AGBL4: variants seen among roughly 807,000 people sequenced by gnomAD.
AGBL4 encodes the protein AGBL carboxypeptidase 4.
In AGBL4, 58 loss-of-function variants were observed where a neutral mutation model predicts 66.4. The ratio of observed to expected loss-of-function variants is 0.87; its 90% CI spans 0.71 to 1.09. The LOEUF (loss-of-function observed/expected upper bound fraction) is 1.09. Ranked by LOEUF, AGBL4 falls within the 50% of genes least tolerant of loss-of-function variation. AGBL4 has a pLI of 0.00. For missense variants in AGBL4, 579 were observed against 631.0 expected, an observed-to-expected ratio of 0.92 and a Z score of 0.88; for synonymous variants, 234 against 222.9, an observed-to-expected ratio of 1.05 and a Z score of -0.44.
intron 3 of AGBL4, among the ~76,000 whole-genome samples, chr1:49,549,381 T>C (rs1242942293): frequency 6.6e-6 from 1 of 152,118 alleles, no homozygotes; most frequent in Non-Finnish European, 1.5e-5. Context: ...AGAATGTCAA[T>C]TTGTGCTCTT....
chr1:49,754,241 C>T (rs921366551), intron 2 of AGBL4, among the ~76,000 whole-genome samples: 6 of 148,796 alleles, frequency 4.0e-5, no homozygotes, highest in South Asian at 2.2e-4. Flanking sequence ...TGGTGACCTT[C>T]GGATGGGGTT....
chr1:48,728,116 G>A (rs1647466953), intron 6 of AGBL4: 1 of 1,378,478 alleles, frequency 7.3e-7, no homozygotes, highest in South Asian at 1.4e-5. Context: ...GAGGGTAAAA[G>A]AAAATGTACC....
chr1:49,279,486 T>C (rs1644234128), intron 3 of AGBL4, among the ~76,000 whole-genome samples: 1 of 151,922 alleles, frequency 6.6e-6, no homozygotes, highest in Non-Finnish European at 1.5e-5. Flanking sequence ...GAAAGCAATA[T>C]GGGAAAATGC....
intron 6 of AGBL4, among the ~76,000 whole-genome samples, chr1:48,729,548 C>T (rs954091850): frequency 2.0e-5 from 3 of 152,116 alleles, no homozygotes; most frequent in Non-Finnish European, 4.4e-5. Flanking sequence ...AATATCAACA[C>T]TAGAGGGGAT....
intron 4 of AGBL4, among the ~76,000 whole-genome samples, chr1:49,175,233 G>A (rs2148173336): frequency 6.6e-6 from 1 of 152,078 alleles, no homozygotes; most frequent in Admixed American, 6.6e-5. Flanking sequence ...AAGTTGATAA[G>A]GAGGGAAATG....
intron 2 of AGBL4, among the ~76,000 whole-genome samples, chr1:49,815,649 C>T: frequency 6.6e-6 from 1 of 152,024 alleles, no homozygotes; most frequent in Non-Finnish European, 1.5e-5. Flanking sequence ...TGAGGGGGTC[C>T]CTTTTTTCCA....
At chr1:49,578,465 T>C (rs2148880105) in intron 3 of AGBL4, among the ~76,000 whole-genome samples, 1 of 152,326 alleles carries the variant, frequency 6.6e-6, no homozygotes, top group African/African-American at 2.4e-5. Flanking sequence ...ACAGAATGGG[T>C]AGTCATTAAT....
chr1:49,779,276 G>C (rs1159875398), intron 2 of AGBL4, among the ~76,000 whole-genome samples: 8 of 152,128 alleles, frequency 5.3e-5, no homozygotes, highest in Non-Finnish European at 4.4e-5. Flanking sequence ...TGTCAAAATG[G>C]TTAATGAATA....
chr1:49,019,334 A>G (rs1241823839), intron 5 of AGBL4, among the ~76,000 whole-genome samples: 5 of 152,130 alleles, frequency 3.3e-5, no homozygotes, highest in Non-Finnish European at 5.9e-5. Context: ...CCCCACATGG[A>G]CATCAGTAGG....
intron 3 of AGBL4, among the ~76,000 whole-genome samples, chr1:49,306,474 G>A (rs190407506): frequency 6.6e-5 from 10 of 152,170 alleles, no homozygotes. Flanking sequence ...CTTCAATAAG[G>A]TTTTCTACTC....
At chr1:48,647,579 C>G in intron 8 of AGBL4, 1 of 452,234 alleles carries the variant, frequency 2.2e-6, no homozygotes, top group Non-Finnish European at 4.4e-6. Flanking sequence ...TTATACGTGG[C>G]TCTATGGAAT....
intron 4 of AGBL4, among the ~76,000 whole-genome samples, chr1:49,062,454 C>A (rs1319005057): frequency 6.6e-6 from 1 of 152,176 alleles, no homozygotes; most frequent in Non-Finnish European, 1.5e-5. Context: ...CACCATGAAT[C>A]CCTACTGGCT....
rs925465861 is a variant in AGBL4 at position 49,076,231 on chromosome 1, T to A, written c.378-30431A>T. Reference sequence around the variant, plus strand: ...TATGTTCCAAGATACCTAACAAATATCAAAAATTGCAGACGCTCAAGTCCC... The same window carrying A: ...TATGTTCCAAGATACCTAACAAATAACAAAAATTGCAGACGCTCAAGTCCC... On this transcript the variant is annotated intron_variant, in intron 4 of 13. Transcript: ENST00000371839. 2.6e-5 allele frequency among the ~76,000 whole-genome samples: 4 copies of A among 152,260 alleles called. No homozygotes were observed. In the East Asian group the frequency reaches 7.7e-4, roughly 29 times the overall value.
intron 1 of AGBL4, among the ~76,000 whole-genome samples, chr1:49,978,157 T>C (rs1026145187): frequency 2.0e-5 from 3 of 152,172 alleles, no homozygotes; most frequent in African/African-American, 7.2e-5. Flanking sequence ...CAAACATACA[T>C]ACAAATAATT....
intron 3 of AGBL4, among the ~76,000 whole-genome samples, chr1:49,666,346 T>C (rs536396990): frequency 6.6e-6 from 1 of 151,846 alleles, no homozygotes; most frequent in Non-Finnish European, 1.5e-5. Flanking sequence ...GGGTGGATCA[T>C]TTGAGGTCAG....
At chr1:49,710,143 A>G (rs531301908) in intron 2 of AGBL4, among the ~76,000 whole-genome samples, 8 of 152,336 alleles carry the variant, frequency 5.3e-5, no homozygotes, top group African/African-American at 7.2e-5. Context: ...ATGCACACAT[A>G]TGTTTATTGA....
intron 6 of AGBL4, among the ~76,000 whole-genome samples, chr1:48,709,941 T>C (rs1269769092): frequency 1.3e-5 from 2 of 152,050 alleles, no homozygotes; most frequent in Non-Finnish European, 2.9e-5. Flanking sequence ...AATTAACCAA[T>C]TGAATCTTTG....
intron 2 of AGBL4, among the ~76,000 whole-genome samples, chr1:49,800,291 T>C (rs1217458141): frequency 1.3e-5 from 2 of 152,188 alleles, no homozygotes; most frequent in African/African-American, 4.8e-5. Flanking sequence ...TTTTGTCCCT[T>C]GCTGCTTTGA....
At chr1:49,153,245 T>C (rs1168927857) in intron 4 of AGBL4, among the ~76,000 whole-genome samples, 2 of 152,016 alleles carry the variant, frequency 1.3e-5, no homozygotes. Context: ...GGATAAGGAG[T>C]TTCAGGCCTG....
Sources: gnomAD v4.1 joint callset for allele counts (sites outside exome capture counted in the v4.1 genomes callset) on GRCh38, gnomAD v4.1.1 for gene constraint, MANE v1.5 for transcripts, NCBI Gene and HGNC (gene_info 2026-07-23, HGNC 2026-07-21) for gene names.